Variants in LCA5 observed in about 807,000 individuals in gnomAD.
LCA5 encodes the protein lebercilin LCA5.
A neutral mutation model predicts 53.0 loss-of-function variants in LCA5; 37 were observed. That is an observed-to-expected ratio of 0.70 (90% CI 0.54 to 0.92). The LOEUF is 0.92. LCA5 is among the 40% of genes least tolerant of loss of function. The probability of loss-of-function intolerance (pLI) is 0.00; values close to 1 mark genes in which losing one functional copy is unlikely to be tolerated. For missense variants in LCA5, 806 were observed against 790.5 expected (o/e 1.02, Z -0.23); for synonymous variants, 303 against 282.9 (o/e 1.07, Z -0.71).
chr6:79,495,477 C>T (rs138936708), intron 3 of LCA5, among the ~76,000 whole-genome samples: 1,652 of 151,964 alleles, frequency 0.011, 12 homozygotes, highest in Middle Eastern at 0.027. Flanking sequence ...TCGGGCCAGG[C>T]GCGGTGGCTC....
chr6:79,500,502 A>C (rs1770108643), intron 3 of LCA5, among the ~76,000 whole-genome samples: 1 of 152,156 alleles, frequency 6.6e-6, no homozygotes, highest in African/African-American at 2.4e-5. Flanking sequence ...ACATCTGTTC[A>C]GTGTTGTTAT....
At chr6:79,504,699 C>T (rs781030992) in intron 3 of LCA5, among the ~76,000 whole-genome samples, 3 of 152,022 alleles carry the variant, frequency 2.0e-5, no homozygotes, top group Non-Finnish European at 4.4e-5. Context: ...TTAGGCTAAA[C>T]TTAAATTTAA....
At chr6:79,513,114 C>G in intron 3 of LCA5, 98 bp downstream of exon 3, 3 of 1,196,916 alleles carry the variant, frequency 2.5e-6, no homozygotes, top group Non-Finnish European at 3.7e-6. Flanking sequence ...CATTTCCAAG[C>G]AAATACCAAA....
intron 3 of LCA5, among the ~76,000 whole-genome samples, chr6:79,509,737 A>C (rs949702496): frequency 6.6e-6 from 1 of 152,320 alleles, no homozygotes; most frequent in Non-Finnish European, 1.5e-5. Context: ...CTAATTCAGT[A>C]AGAATTGAGA....
chr6:79,513,048 T>C (rs531168790), intron 3 of LCA5, 164 bp downstream of exon 3: 1 of 687,422 alleles, frequency 1.5e-6, no homozygotes, highest in Non-Finnish European at 2.6e-6. Context: ...ATCTTTTGCA[T>C]CTTCCTCTTA....
At chr6:79,490,539 T>C (rs992362640) in intron 6 of LCA5, among the ~76,000 whole-genome samples, 21 of 152,144 alleles carry the variant, frequency 1.4e-4, no homozygotes, top group Non-Finnish European at 2.9e-5. Flanking sequence ...TTAGTCCTTT[T>C]AAAGTTAACA....
At chr6:79,488,787 AG>A (rs5877661) in intron 7 of LCA5, 169,690 of 512,728 alleles carry the variant, frequency 0.33, 29,615 homozygotes, top group African/African-American at 0.52. Context: ...CCACAAGTAT[AG>A]TAACTTTAGT....
chr6:79,487,138 C>T lies in LCA5; in HGVS notation c.1960G>A (p.Asp654Asn), dbSNP rs1299454357. ...KGSRDQEHDE[D>N]EGFFLSEGRS... The stretch of plus-strand genomic sequence containing the variant: ...CCTTCACTGAGGAAAAAGCCTTCAT[C>T]TTCATCATGTTCTTGATCTCTGCTG... Residue 654 changes from aspartate (D) to asparagine (N), a missense_variant, in exon 8 of 8, where the codon GAT becomes AAT. Coordinates refer to ENST00000369846, the MANE Select transcript of LCA5 (RefSeq NM_001122769.3). 1.2e-6 allele frequency: 2 copies of T among 1,613,814 alleles called. No individual in the cohort carries two copies. Among genetic ancestry groups the T allele is most frequent in the Admixed American group, 3.3e-5 (2 of 59,966 alleles).
At chr6:79,514,465 G>A (rs963364005) in intron 2 of LCA5, among the ~76,000 whole-genome samples, 1 of 152,044 alleles carries the variant, frequency 6.6e-6, no homozygotes, top group Non-Finnish European at 1.5e-5. Context: ...CAATTCCTAA[G>A]ACCTAAAGTC....
rs1769669968 is a variant in LCA5 at position 79,486,835 on chromosome 6, C to T, written c.*169G>A. On this transcript the variant is annotated 3_prime_UTR_variant, in exon 8 of 8. Coordinates refer to ENST00000369846, the MANE Select transcript of LCA5 (RefSeq NM_001122769.3). ...GCCTCCTTCATTCTTGGCAAACTATCTATGTGGTGTATGTATGATCTACTT... is the reference window on the plus strand; with the variant it reads ...GCCTCCTTCATTCTTGGCAAACTATTTATGTGGTGTATGTATGATCTACTT... 1 of 562,386 alleles carries T rather than the reference C, an allele frequency of 1.8e-6. No homozygotes were observed. The highest frequency in any genetic ancestry group is 1.9e-5 in the African/African-American group (1 of 52,528). The allele number at this position is 562,386 out of a possible 1,614,324, so 34.8% of individuals were successfully genotyped here. A position where few individuals can be genotyped will look rare whatever the true frequency, so the allele number is the denominator to read the frequency against.
intron 3 of LCA5, among the ~76,000 whole-genome samples, chr6:79,496,043 C>T (rs74355439): frequency 0.018 from 2,755 of 152,146 alleles, 80 homozygotes; most frequent in African/African-American, 0.062. Flanking sequence ...AGATAATTCA[C>T]CAAAAAGATA....
chr6:79,519,715 C>CAAA (rs397887695), intron 1 of LCA5, among the ~76,000 whole-genome samples: 1 of 49,968 alleles, frequency 2.0e-5, no homozygotes, highest in African/African-American at 6.7e-5. Flanking sequence ...GACTCCATCT[C>CAAA]AAAAAAAAAA....
chr6:79,503,383 T>C (rs1770193963), intron 3 of LCA5, among the ~76,000 whole-genome samples: 1 of 152,128 alleles, frequency 6.6e-6, no homozygotes, highest in South Asian at 2.1e-4. Flanking sequence ...TTCAGTTTTA[T>C]CTGCTTGCCT....
chr6:79,534,435 A>G (rs971180171), intron 1 of LCA5, among the ~76,000 whole-genome samples: 61 of 152,134 alleles, frequency 4.0e-4, no homozygotes, highest in Non-Finnish European at 1.0e-4. Context: ...ATTCATTTAT[A>G]AGACATTTAC....
intron 1 of LCA5, among the ~76,000 whole-genome samples, chr6:79,530,660 G>T (rs1287149308): frequency 6.6e-6 from 1 of 152,062 alleles, no homozygotes; most frequent in Non-Finnish European, 1.5e-5. Flanking sequence ...CATTTAATAA[G>T]CAAGTACATC....
chr6:79,505,820 G>T (rs527916531), intron 3 of LCA5, among the ~76,000 whole-genome samples: 1 of 152,082 alleles, frequency 6.6e-6, no homozygotes, highest in African/African-American at 2.4e-5. Flanking sequence ...AAAAGATAAA[G>T]GAAAGTGATC....
intron 2 of LCA5, among the ~76,000 whole-genome samples, chr6:79,516,735 T>A (rs1159720772): frequency 6.6e-6 from 1 of 151,974 alleles, no homozygotes; most frequent in African/African-American, 2.4e-5. Flanking sequence ...TCATTCTTCA[T>A]CTCTCCTTCT....
intron 1 of LCA5, among the ~76,000 whole-genome samples, chr6:79,532,631 CCTTCT>C (rs974991756): frequency 1.3e-5 from 2 of 152,138 alleles, no homozygotes; most frequent in African/African-American, 4.8e-5. Flanking sequence ...AAAAGTGGTT[CCTTCT>C]CTTCTTCCTG....
intron 1 of LCA5, among the ~76,000 whole-genome samples, chr6:79,529,305 G>A (rs1260082340): frequency 2.6e-5 from 4 of 152,136 alleles, no homozygotes; most frequent in African/African-American, 9.7e-5. Flanking sequence ...AAAGTAAATA[G>A]AAAAGAGGAG....
Sources: gnomAD v4.1 joint callset for allele counts (sites outside exome capture counted in the v4.1 genomes callset) on GRCh38, gnomAD v4.1.1 for gene constraint, MANE v1.5 for transcripts, NCBI Gene and HGNC (gene_info 2026-07-23, HGNC 2026-07-21) for gene names.